The following VPS13B variants were observed in gnomAD, a reference collection of about 807,000 sequenced individuals.
The protein encoded by VPS13B is vacuolar protein sorting 13 homolog B.
A neutral mutation model predicts 426.4 loss-of-function variants in VPS13B; 285 were observed. The ratio of observed to expected loss-of-function variants is 0.67; its 90% CI spans 0.61 to 0.74. VPS13B has a LOEUF of 0.74. VPS13B is among the 30% of genes least tolerant of loss of function. The pLI is 0.00. For missense variants in VPS13B, 4,537 were observed against 4,782.6 expected (o/e 0.95, Z 1.51); for synonymous variants, 1,676 against 1,676.4 (o/e 1.00, Z 0.01).
intron 17 of VPS13B, among the ~76,000 whole-genome samples, chr8:99,230,913 T>C (rs893615344): frequency 4.6e-5 from 7 of 152,254 alleles, no homozygotes; most frequent in Non-Finnish European, 1.0e-4. Flanking sequence ...GTCACTTCAG[T>C]GTCATTTGTG....
chr8:99,631,689 T>C (rs564769826), intron 33 of VPS13B, among the ~76,000 whole-genome samples: 1 of 151,974 alleles, frequency 6.6e-6, no homozygotes, highest in South Asian at 2.1e-4. Context: ...AAACATCCAG[T>C]CTATCAGCAA....
chr8:99,372,215 G>T (rs2133263780), intron 19 of VPS13B, among the ~76,000 whole-genome samples: 1 of 147,074 alleles, frequency 6.8e-6, no homozygotes, highest in African/African-American at 2.5e-5. Flanking sequence ...TTGCGCCACT[G>T]CACTCCAGCC....
At chr8:99,381,368 G>A (rs779313338) in intron 19 of VPS13B, among the ~76,000 whole-genome samples, 1 of 152,094 alleles carries the variant, frequency 6.6e-6, no homozygotes, top group Non-Finnish European at 1.5e-5. Context: ...GGGAACATAC[G>A]TTTGCATGTG....
chr8:99,171,702 A>G (rs1340193569), intron 16 of VPS13B, among the ~76,000 whole-genome samples: 1 of 152,034 alleles, frequency 6.6e-6, no homozygotes, highest in East Asian at 1.9e-4. Context: ...AGTTAAGACT[A>G]CTTCTGTGTT....
At chr8:99,810,108 T>G (rs184077109) in intron 44 of VPS13B, among the ~76,000 whole-genome samples, 1 of 152,312 alleles carries the variant, frequency 6.6e-6, no homozygotes, top group East Asian at 1.9e-4. Context: ...TTTATAAAAC[T>G]TGCTTTTTGG....
chr8:99,576,659 A>G (rs534702361), intron 32 of VPS13B, among the ~76,000 whole-genome samples: 1 of 152,296 alleles, frequency 6.6e-6, no homozygotes, highest in East Asian at 1.9e-4. Flanking sequence ...ATTTCCAAGC[A>G]TTTGAACATT....
At chr8:99,661,244 CA>C in intron 34 of VPS13B, 109 bp from the exon 35 acceptor site, 1 of 1,355,240 alleles carries the variant, frequency 7.4e-7, no homozygotes, top group Non-Finnish European at 1.0e-6. Context: ...ATGAAGCTTG[CA>C]AACAGTTATT....
At chr8:99,487,300 T>G (rs1044059065) in intron 25 of VPS13B, among the ~76,000 whole-genome samples, 1 of 152,166 alleles carries the variant, frequency 6.6e-6, no homozygotes, top group East Asian at 1.9e-4. Context: ...GTACAAATGG[T>G]AAATGTTCAT....
intron 22 of VPS13B, among the ~76,000 whole-genome samples, chr8:99,440,636 T>C (rs1450471181): frequency 6.6e-6 from 1 of 152,148 alleles, no homozygotes; most frequent in African/African-American, 2.4e-5. Flanking sequence ...AGAGTTGTTA[T>C]GTATCTGATG....
intron 31 of VPS13B, among the ~76,000 whole-genome samples, chr8:99,561,964 G>A (rs1002142653): frequency 2.0e-5 from 3 of 152,158 alleles, no homozygotes; most frequent in Non-Finnish European, 2.9e-5. Context: ...GCAATTTTAT[G>A]TTCAGCTTTT....
rs9642960 is a variant in VPS13B at position 99,615,180 on chromosome 8, T to C, written c.5221-26631T>C. On this transcript the variant is annotated intron_variant, in intron 33 of 61. Transcript: ENST00000357162. ...ATAAGTACCAGGAAGTTTTCATGTC[T>C]TCTAAAATTTGCCTTTGTTTCAATG... Among the ~76,000 whole-genome samples, 116 of 152,164 alleles carry C rather than the reference T, an allele frequency of 7.6e-4. 1 individual carries two copies. The East Asian group carries it at 0.021, about 27-fold the overall frequency.
intron 17 of VPS13B, among the ~76,000 whole-genome samples, chr8:99,210,239 T>G (rs1037367514): frequency 1.3e-5 from 2 of 152,190 alleles, no homozygotes; most frequent in African/African-American, 4.8e-5. Flanking sequence ...TCCTACACTA[T>G]AAAGGAAATT....
intron 6 of VPS13B, among the ~76,000 whole-genome samples, chr8:99,113,942 A>G (rs879131863): frequency 2.0e-5 from 3 of 151,306 alleles, no homozygotes; most frequent in Admixed American, 1.3e-4. Context: ...ATAATTTTCC[A>G]TTTTTTTTGT....
At chr8:99,585,597 A>C (rs987863310) in intron 33 of VPS13B, among the ~76,000 whole-genome samples, 27 of 152,190 alleles carry the variant, frequency 1.8e-4, no homozygotes, top group African/African-American at 6.3e-4. Context: ...TATCTCAATA[A>C]GTGAAAAAAA....
At chr8:99,459,846 A>G (rs1283048838) in intron 23 of VPS13B, among the ~76,000 whole-genome samples, 1 of 152,008 alleles carries the variant, frequency 6.6e-6, no homozygotes, top group Non-Finnish European at 1.5e-5. Context: ...GACCCTGTTT[A>G]TTATTATGCA....
intron 39 of VPS13B, among the ~76,000 whole-genome samples, chr8:99,733,491 T>A (rs1252081882): frequency 6.6e-6 from 1 of 152,240 alleles, no homozygotes; most frequent in African/African-American, 2.4e-5. Flanking sequence ...TAAAAAAATA[T>A]GTAGAACAGT....
chr8:99,553,277 A>G (rs1274492946), intron 30 of VPS13B, among the ~76,000 whole-genome samples: 1 of 152,104 alleles, frequency 6.6e-6, no homozygotes, highest in Non-Finnish European at 1.5e-5. Flanking sequence ...GTCTGAAAAA[A>G]TACTTTAGAT....
rs1025287225 is a variant in VPS13B at position 99,734,295 on chromosome 8, C to A, written c.7050+13248C>A. On this transcript the variant is annotated intron_variant, in intron 39 of 61. Coordinates refer to ENST00000357162, the MANE Select transcript of VPS13B (RefSeq NM_152564.5). ...GCTGATGGACATTTGAGTGTTTGAACTTTTTGAATCCTTATTTACTTTACT... is the reference window on the plus strand; with the variant it reads ...GCTGATGGACATTTGAGTGTTTGAAATTTTTGAATCCTTATTTACTTTACT... Among the ~76,000 whole-genome samples, 7 of 152,126 alleles carry A rather than the reference C, an allele frequency of 4.6e-5. No individual in the cohort carries two copies. In the East Asian group the frequency reaches 1.2e-3, roughly 25 times the overall value.
intron 31 of VPS13B, among the ~76,000 whole-genome samples, chr8:99,558,867 C>T (rs1824736078): frequency 6.6e-6 from 1 of 152,196 alleles, no homozygotes; most frequent in Non-Finnish European, 1.5e-5. Context: ...CCACAATAAA[C>T]ATACGTGTGC....
Sources: gnomAD v4.1 joint callset for allele counts (sites outside exome capture counted in the v4.1 genomes callset) on GRCh38, gnomAD v4.1.1 for gene constraint, MANE v1.5 for transcripts, NCBI Gene and HGNC (gene_info 2026-07-23, HGNC 2026-07-21) for gene names.